The following COL21A1 variants were observed in gnomAD, a reference collection of about 807,000 sequenced individuals.
COL21A1 encodes collagen alpha-1(XXI) chain.
In COL21A1, 149 loss-of-function variants were observed where a neutral mutation model predicts 137.9. That is an observed-to-expected ratio of 1.08 (90% CI 0.95 to 1.24). COL21A1 has a LOEUF of 1.24. COL21A1 is among the 50% of genes most tolerant of loss of function. The probability of loss-of-function intolerance (pLI) is 0.00; values close to 1 mark genes in which losing one functional copy is unlikely to be tolerated. For missense variants in COL21A1, 1,167 were observed against 1,158.4 expected (o/e 1.01, Z -0.11); for synonymous variants, 456 against 391.5 (o/e 1.16, Z -1.95).
In COL21A1 at chr6:56,151,905, C is replaced by T. The variant is rs535688422; in HGVS notation, c.1434+4982G>A. 1.2e-4 allele frequency among the ~76,000 whole-genome samples: 19 copies of T among 152,184 alleles called. No homozygotes were observed. In the South Asian group the frequency reaches 3.7e-3, roughly 30 times the overall value. ...GCCTGACCACCCAACGTCACATTCC[C>T]TACAGAGGAAAAGAAATATGGGGGA... On this transcript the variant is annotated intron_variant, in intron 10 of 29. Transcript: ENST00000244728.
At chr6:56,346,867 C>T (rs1340047750) in intron 1 of COL21A1, among the ~76,000 whole-genome samples, 1 of 152,162 alleles carries the variant, frequency 6.6e-6, no homozygotes, top group Non-Finnish European at 1.5e-5. Context: ...TTGTGCTGGT[C>T]TCCAGTGGGT....
rs146949312 is a variant in COL21A1 at position 56,084,221 on chromosome 6, T to C, written c.1813-6648A>G. 7.4e-3 allele frequency among the ~76,000 whole-genome samples: 1,118 copies of C among 151,150 alleles called. 16 individuals carry two copies. Among genetic ancestry groups the C allele is most frequent in the African/African-American group, 0.025 (1,049 of 41,386 alleles). On this transcript the variant is annotated intron_variant, in intron 17 of 29. Coordinates refer to ENST00000244728, the MANE Select transcript of COL21A1 (RefSeq NM_030820.4). Reference sequence around the variant, plus strand: ...ATTGCCTAAGTATGCAGAAAAAATATATATATATAAAAAACATTAATAAGA... The same window carrying C: ...ATTGCCTAAGTATGCAGAAAAAATACATATATATAAAAAACATTAATAAGA...
chr6:56,379,721 T>G (rs2094005699), intron 1 of COL21A1, among the ~76,000 whole-genome samples: 1 of 152,164 alleles, frequency 6.6e-6, no homozygotes, highest in African/African-American at 2.4e-5. Context: ...GGATTTCGTA[T>G]TTAATATTGT....
At chr6:56,186,949 C>G (rs1778346817) in intron 1 of COL21A1, among the ~76,000 whole-genome samples, 1 of 152,150 alleles carries the variant, frequency 6.6e-6, no homozygotes, top group Non-Finnish European at 1.5e-5. Context: ...TTGGAACAGT[C>G]TTGAAAAAGA....
intron 1 of COL21A1, among the ~76,000 whole-genome samples, chr6:56,344,876 C>T (rs1765556647): frequency 1.3e-5 from 2 of 152,170 alleles, no homozygotes; most frequent in South Asian, 4.2e-4. Context: ...TTATAAGTTT[C>T]CTGAGGCCTC....
chr6:56,382,679 A>C (rs1451954682), intron 1 of COL21A1, among the ~76,000 whole-genome samples: 1 of 152,182 alleles, frequency 6.6e-6, no homozygotes, highest in Non-Finnish European at 1.5e-5. Context: ...GAACCAAGAA[A>C]GGTCTTGTGA....
At chr6:56,111,028 A>C (rs947838199) in intron 16 of COL21A1, among the ~76,000 whole-genome samples, 2 of 152,140 alleles carry the variant, frequency 1.3e-5, no homozygotes, top group Non-Finnish European at 2.9e-5. Flanking sequence ...AAAAGTAGTA[A>C]GAAAGCTTGT....
chr6:56,151,052 T>C (rs888626556), intron 10 of COL21A1, among the ~76,000 whole-genome samples: 1 of 134,758 alleles, frequency 7.4e-6, no homozygotes, highest in African/African-American at 3.0e-5. Flanking sequence ...TGAAACCCCA[T>C]CTCTACTAAA....
At chr6:56,356,593 A>C (rs1765836736) in intron 1 of COL21A1, among the ~76,000 whole-genome samples, 1 of 152,244 alleles carries the variant, frequency 6.6e-6, no homozygotes, top group South Asian at 2.1e-4. Context: ...CCAGATGGTG[A>C]CAACTTGCAG....
intron 1 of COL21A1, among the ~76,000 whole-genome samples, chr6:56,194,619 C>A (rs921570133): frequency 6.6e-6 from 1 of 151,890 alleles, no homozygotes; most frequent in Admixed American, 6.6e-5. Context: ...AATTAGCAAC[C>A]CAAAATAGGG....
At chr6:56,272,099 G>T (rs1181037617) in intron 1 of COL21A1, among the ~76,000 whole-genome samples, 2 of 152,124 alleles carry the variant, frequency 1.3e-5, no homozygotes, top group African/African-American at 2.4e-5. Context: ...TGAGAAGAGG[G>T]CCACCATCTC....
chr6:56,305,468 A>G (rs946202262), intron 1 of COL21A1, among the ~76,000 whole-genome samples: 2 of 152,042 alleles, frequency 1.3e-5, no homozygotes, highest in African/African-American at 4.8e-5. Context: ...TGTTGAATTG[A>G]TCCCTTTACC....
At chr6:56,091,871 G>A (rs983108711) in intron 17 of COL21A1, among the ~76,000 whole-genome samples, 2 of 152,008 alleles carry the variant, frequency 1.3e-5, no homozygotes, top group African/African-American at 2.4e-5. Context: ...TTTCTGTTAC[G>A]GTTTTTTCAA....
At chr6:56,111,143 T>C (rs1370556603) in intron 16 of COL21A1, among the ~76,000 whole-genome samples, 1 of 99,700 alleles carries the variant, frequency 1.0e-5, no homozygotes, top group Non-Finnish European at 2.0e-5. Flanking sequence ...CCCTCTGTTA[T>C]CCTTTTCCAA....
intron 9 of COL21A1, among the ~76,000 whole-genome samples, chr6:56,158,626 G>A (rs376809116): frequency 1.8e-3 from 269 of 152,082 alleles, no homozygotes; most frequent in African/African-American, 6.2e-3. Context: ...CACCTACCCT[G>A]TGATTAAGGG....
intron 1 of COL21A1, among the ~76,000 whole-genome samples, chr6:56,269,792 A>T (rs933036087): frequency 6.6e-6 from 1 of 152,204 alleles, no homozygotes; most frequent in Non-Finnish European, 1.5e-5. Context: ...TCCTTAAAGA[A>T]AAGAAATTCC....
At chr6:56,197,851 G>A (rs2840996) in intron 1 of COL21A1, among the ~76,000 whole-genome samples, 2,993 of 152,126 alleles carry the variant, frequency 0.02, 96 homozygotes, top group African/African-American at 0.068. Context: ...TTTACTACTG[G>A]AGATGTTTCC....
chr6:56,237,224 T>G (rs1289031010), intron 1 of COL21A1, among the ~76,000 whole-genome samples: 1 of 152,108 alleles, frequency 6.6e-6, no homozygotes, highest in East Asian at 1.9e-4. Flanking sequence ...CAGGGCTACA[T>G]GTCTTCATTG....
chr6:56,158,175 A>G (rs1775898414), intron 9 of COL21A1, among the ~76,000 whole-genome samples: 1 of 151,752 alleles, frequency 6.6e-6, no homozygotes, highest in Non-Finnish European at 1.5e-5. Flanking sequence ...GAAAAATATG[A>G]AGTCACTGCC....
Sources: gnomAD v4.1 joint callset for allele counts (sites outside exome capture counted in the v4.1 genomes callset) on GRCh38, gnomAD v4.1.1 for gene constraint, MANE v1.5 for transcripts, NCBI Gene and HGNC (gene_info 2026-07-23, HGNC 2026-07-21) for gene names.